CAMK2D: variants seen among roughly 807,000 people sequenced by gnomAD.
The protein encoded by CAMK2D is calcium/calmodulin dependent protein kinase II delta.
A neutral mutation model predicts 84.0 loss-of-function variants in CAMK2D; 37 were observed. The observed-to-expected ratio is 0.44, with a 90% CI of 0.34 to 0.58. The LOEUF (loss-of-function observed/expected upper bound fraction) is 0.58, where lower values mean the gene tolerates loss of function less well. Ranked by LOEUF, CAMK2D falls within the 20% of genes least tolerant of loss-of-function variation. CAMK2D has a pLI of 0.02. For synonymous variants in CAMK2D, 202 were observed against 212.5 expected, an observed-to-expected ratio of 0.95 and a Z score of 0.43; for missense variants, 448 against 652.5, an observed-to-expected ratio of 0.69 and a Z score of 3.41.
At chr4:113,461,066 T>C (rs1389541408) in intron 17 of CAMK2D, among the ~76,000 whole-genome samples, 1 of 152,156 alleles carries the variant, frequency 6.6e-6, no homozygotes, top group Non-Finnish European at 1.5e-5. Context: ...AAAGAAAGTA[T>C]CACACCCTAC....
intron 2 of CAMK2D, among the ~76,000 whole-genome samples, chr4:113,699,188 T>C (rs1405073242): frequency 6.6e-6 from 1 of 152,112 alleles, no homozygotes; most frequent in Non-Finnish European, 1.5e-5. Context: ...CTGGAAAATA[T>C]CTGGGGATGG....
intron 4 of CAMK2D, among the ~76,000 whole-genome samples, chr4:113,596,061 T>G (rs572659239): frequency 1.3e-5 from 2 of 152,382 alleles, no homozygotes; most frequent in East Asian, 3.9e-4. Flanking sequence ...TCAATTAACT[T>G]TATGTAATAT....
At chr4:113,519,923 C>T (rs1010004572) in intron 8 of CAMK2D, among the ~76,000 whole-genome samples, 4 of 152,094 alleles carry the variant, frequency 2.6e-5, no homozygotes, top group Admixed American at 6.6e-5. Flanking sequence ...TAAACATTCC[C>T]TGCAGCCACT....
intron 4 of CAMK2D, among the ~76,000 whole-genome samples, chr4:113,605,560 G>A (rs185825495): frequency 2.6e-5 from 4 of 152,228 alleles, no homozygotes; most frequent in Admixed American, 2.0e-4. Context: ...ATTCATCATA[G>A]CATGAAGGAC....
chr4:113,705,818 C>T (rs1044256165), intron 2 of CAMK2D, among the ~76,000 whole-genome samples: 2 of 152,016 alleles, frequency 1.3e-5, no homozygotes, highest in Admixed American at 6.6e-5. Context: ...TTTAAAAGGA[C>T]GTAATGTATG....
chr4:113,593,281 C>A (rs879887229), intron 4 of CAMK2D, among the ~76,000 whole-genome samples: 5 of 152,236 alleles, frequency 3.3e-5, no homozygotes, highest in Non-Finnish European at 5.9e-5. Context: ...CAAATTAACA[C>A]TCTTCTTAGA....
intron 10 of CAMK2D, 46 bp from the exon 11 acceptor site, chr4:113,513,959 C>A: frequency 1.2e-6 from 1 of 859,720 alleles, no homozygotes; most frequent in Non-Finnish European, 1.9e-6. Flanking sequence ...ATATTTAAAA[C>A]ACACTAAGTA....
In CAMK2D at chr4:113,537,433, A is replaced by T. The variant is rs774108754; in HGVS notation, c.425T>A (p.Leu142Ter). 1 of 1,600,484 alleles carries T rather than the reference A, an allele frequency of 6.2e-7. No homozygotes were observed. The highest frequency in any genetic ancestry group is 1.1e-5 in the South Asian group (1 of 90,754). The change falls in exon 7 of 21, where the codon TTG becomes TAG. Residue 142 changes from leucine to a stop codon, truncating the protein, a stop_gained. Coordinates refer to ENST00000511664, the MANE Select transcript of CAMK2D (RefSeq NM_001321571.2). LOFTEE classifies it high-confidence loss of function. ...VVHRDLKPENLLLASKSKGAA... is the reference protein window; with the variant it reads ...VVHRDLKPEN ...TCCCTTGGATTTGCTAGCTAAAAGC[A>T]AATTCTCAGGCTTTATTTAGAAAGA... is the stretch of plus-strand genomic sequence containing the variant.
chr4:113,466,287 TATAAA>T (rs959352270), intron 16 of CAMK2D, among the ~76,000 whole-genome samples: 39 of 149,298 alleles, frequency 2.6e-4, no homozygotes, highest in Admixed American at 4.0e-4. Flanking sequence ...AATAAATAAA[TATAAA>T]ATAAAATAAA....
intron 2 of CAMK2D, among the ~76,000 whole-genome samples, chr4:113,697,611 T>C (rs1593190957): frequency 6.6e-6 from 1 of 152,100 alleles, no homozygotes; most frequent in East Asian, 1.9e-4. Context: ...TGCTGACATC[T>C]CTCAACCCAC....
At chr4:113,724,196 A>G (rs1033025362) in intron 2 of CAMK2D, among the ~76,000 whole-genome samples, 1 of 152,066 alleles carries the variant, frequency 6.6e-6, no homozygotes, top group Non-Finnish European at 1.5e-5. Flanking sequence ...GGATTACTTT[A>G]TATAAAACTG....
At chr4:113,663,758 AAAG>A (rs1238536587) in intron 2 of CAMK2D, among the ~76,000 whole-genome samples, 1 of 151,614 alleles carries the variant, frequency 6.6e-6, no homozygotes, top group Non-Finnish European at 1.5e-5. Context: ...ACATTAAAAT[AAAG>A]AATAAAAAGG....
intron 2 of CAMK2D, among the ~76,000 whole-genome samples, chr4:113,739,877 A>G (rs942729482): frequency 4.6e-5 from 7 of 152,076 alleles, no homozygotes; most frequent in Admixed American, 1.3e-4. Flanking sequence ...GGTTTGGGGT[A>G]TAATTGAACC....
intron 7 of CAMK2D, 81 bp from the exon 8 acceptor site, chr4:113,531,380 G>T: frequency 1.3e-6 from 1 of 763,426 alleles, no homozygotes. Flanking sequence ...AAAAATATCG[G>T]GGGCTTCTTT....
intron 5 of CAMK2D, among the ~76,000 whole-genome samples, chr4:113,550,004 T>G (rs2098612745): frequency 6.6e-6 from 1 of 152,190 alleles, no homozygotes; most frequent in African/African-American, 2.4e-5. Context: ...TTTAAGAATA[T>G]TTCTCTTCCT....
intron 2 of CAMK2D, among the ~76,000 whole-genome samples, chr4:113,666,593 G>A (rs980134100): frequency 3.3e-5 from 5 of 151,478 alleles, no homozygotes; most frequent in South Asian, 4.2e-4. Context: ...GCACACACAC[G>A]CACGCATGCA....
rs150874210 is a variant in CAMK2D at position 113,514,426 on chromosome 4, A to G, written c.820-513T>C. On this transcript the variant is annotated intron_variant, in intron 10 of 20. Coordinates refer to ENST00000511664, the MANE Select transcript of CAMK2D (RefSeq NM_001321571.2). ...AAGACTCTGTCTCAAAACAAAACAAAACCAAACCAGAAAGTATAGAAATGA... is the reference window on the plus strand; with the variant it reads ...AAGACTCTGTCTCAAAACAAAACAAGACCAAACCAGAAAGTATAGAAATGA... Among the ~76,000 whole-genome samples, 586 of 152,218 alleles carry G rather than the reference A, an allele frequency of 3.8e-3. 5 individuals carry two copies. The highest frequency in any genetic ancestry group is 0.014 in the African/African-American group (566 of 41,524).
chr4:113,721,121 A>G (rs981124610), intron 2 of CAMK2D, among the ~76,000 whole-genome samples: 29 of 152,148 alleles, frequency 1.9e-4, no homozygotes, highest in African/African-American at 7.0e-4. Context: ...GCAGTCAGGA[A>G]GGAATAAACC....
At chr4:113,669,240 T>C (rs2099269890) in intron 2 of CAMK2D, among the ~76,000 whole-genome samples, 1 of 152,192 alleles carries the variant, frequency 6.6e-6, no homozygotes, top group African/African-American at 2.4e-5. Flanking sequence ...GAATCCTAAT[T>C]TATATAAAAT....
Sources: allele counts gnomAD v4.1 joint callset (sites outside exome capture counted in the v4.1 genomes callset), GRCh38; gene constraint gnomAD v4.1.1; transcripts MANE v1.5; gene names NCBI Gene and HGNC (gene_info 2026-07-23, HGNC 2026-07-21).